The following NYAP2 variants were observed in gnomAD, a reference collection of about 807,000 sequenced individuals.
The protein encoded by NYAP2 is neuronal tyrosine-phosphorylated phosphoinositide-3-kinase adapter 2.
Under a neutral mutation model 50.4 loss-of-function variants are expected in NYAP2, and 23 were observed. The observed-to-expected ratio is 0.46, with a 90% confidence interval of 0.33 to 0.65. NYAP2 has a LOEUF of 0.65. NYAP2 is among the 30% of genes least tolerant of loss of function. The pLI, the probability that NYAP2 is intolerant of heterozygous loss-of-function variation, is 0.02. For synonymous variants in NYAP2, 394 were observed against 365.2 expected (o/e 1.08, Z -0.90); for missense variants, 885 against 861.0 (o/e 1.03, Z -0.35).
chr2:225,603,789 A>C (rs1371565100), intron 5 of NYAP2, among the ~76,000 whole-genome samples: 1 of 152,166 alleles, frequency 6.6e-6, no homozygotes, highest in East Asian at 1.9e-4. Context: ...TATCTGAAGA[A>C]TATTGTATTG....
At chr2:225,477,231 CTTT>C (rs11378712) in intron 3 of NYAP2, among the ~76,000 whole-genome samples, 2 of 87,472 alleles carry the variant, frequency 2.3e-5, no homozygotes, top group East Asian at 4.1e-4. Flanking sequence ...GTCTCTATTT[CTTT>C]TTTTTTTTTT....
chr2:225,626,053 G>T (rs1237346244), intron 5 of NYAP2, among the ~76,000 whole-genome samples: 1 of 152,184 alleles, frequency 6.6e-6, no homozygotes, highest in African/African-American at 2.4e-5. Context: ...CTTAAAGAAA[G>T]AGAGAGAAAA....
At chr2:225,542,445 C>T (rs980026627) in intron 4 of NYAP2, among the ~76,000 whole-genome samples, 1 of 152,060 alleles carries the variant, frequency 6.6e-6, no homozygotes, top group African/African-American at 2.4e-5. Flanking sequence ...TATGTTCCTT[C>T]TACACCCAGT....
At chr2:225,593,610 G>A (rs1325590613) in intron 5 of NYAP2, among the ~76,000 whole-genome samples, 5 of 152,098 alleles carry the variant, frequency 3.3e-5, no homozygotes, top group African/African-American at 1.2e-4. Flanking sequence ...CCAATGCATT[G>A]TGAAGATTAT....
At chr2:225,621,005 T>A (rs1693093093) in intron 5 of NYAP2, among the ~76,000 whole-genome samples, 1 of 151,294 alleles carries the variant, frequency 6.6e-6, no homozygotes, top group Non-Finnish European at 1.5e-5. Context: ...TCCCAGCTAC[T>A]CGGGAGGCTG....
At chr2:225,656,832 A>G (rs1693836423), downstream of NYAP2, among the ~76,000 whole-genome samples, 2 of 152,158 alleles carry the variant, frequency 1.3e-5, no homozygotes, top group South Asian at 4.1e-4. Context: ...CTCAGTCATC[A>G]TTTGTTGACT....
At chr2:225,467,372 G>A (rs1689937430) in intron 3 of NYAP2, among the ~76,000 whole-genome samples, 1 of 152,072 alleles carries the variant, frequency 6.6e-6, no homozygotes, top group Non-Finnish European at 1.5e-5. Flanking sequence ...TATTATTTTA[G>A]AGAGACAGTT....
At chr2:225,466,026 T>C (rs1473202314) in intron 3 of NYAP2, among the ~76,000 whole-genome samples, 1 of 152,166 alleles carries the variant, frequency 6.6e-6, no homozygotes, top group Admixed American at 6.5e-5. Context: ...CGCTTGCTAA[T>C]TTACATTGCA....
intron 6 of NYAP2, among the ~76,000 whole-genome samples, chr2:225,639,770 A>C (rs16866682): frequency 0.18 from 27,032 of 152,112 alleles, 2,811 homozygotes; most frequent in East Asian, 0.42. Flanking sequence ...GAAATGACAA[A>C]ATTTTAAAAC....
At chr2:225,514,782 C>T (rs1369999472) in intron 4 of NYAP2, among the ~76,000 whole-genome samples, 1 of 152,132 alleles carries the variant, frequency 6.6e-6, no homozygotes, top group African/African-American at 2.4e-5. Context: ...TTGAGAGAGG[C>T]GTTCCACCAG....
At chr2:225,571,979 TCCAGGGCAGGGGCAAAATG>T (rs1413168747) in intron 4 of NYAP2, among the ~76,000 whole-genome samples, 4 of 152,216 alleles carry the variant, frequency 2.6e-5, no homozygotes, top group Non-Finnish European at 4.4e-5. Context: ...TCCACAGATC[TCCAGGGCAGGGGCAAAATG>T]CCATCAGTCT....
At chr2:225,603,069 G>T (rs1044402611) in intron 5 of NYAP2, among the ~76,000 whole-genome samples, 1 of 152,126 alleles carries the variant, frequency 6.6e-6, no homozygotes, top group African/African-American at 2.4e-5. Context: ...AAAATATTAG[G>T]CTGAGGCGTC....
chr2:225,552,292 A>T (rs1198731043), intron 4 of NYAP2, among the ~76,000 whole-genome samples: 1 of 152,244 alleles, frequency 6.6e-6, no homozygotes, highest in Non-Finnish European at 1.5e-5. Context: ...ATAGAATTTC[A>T]TATAAAGAAT....
intron 5 of NYAP2, among the ~76,000 whole-genome samples, chr2:225,620,448 CGCACGCACACACGCGCAT>C (rs1222945708): frequency 1.0e-4 from 15 of 145,936 alleles, no homozygotes. Context: ...CGCACGCACA[CGCACGCACACACGCGCAT>C]GCACACGCAC....
intron 4 of NYAP2, among the ~76,000 whole-genome samples, chr2:225,528,596 C>G (rs948248417): frequency 7.2e-5 from 11 of 152,182 alleles, no homozygotes; most frequent in African/African-American, 2.7e-4. Context: ...AAACATCAGT[C>G]TGAATGATCC....
chr2:225,466,610 A>AT (rs1227773157), intron 3 of NYAP2, among the ~76,000 whole-genome samples: 3 of 152,146 alleles, frequency 2.0e-5, no homozygotes, highest in African/African-American at 7.2e-5. Context: ...AGCACTATAT[A>AT]TTTCTAATAA....
intron 3 of NYAP2, among the ~76,000 whole-genome samples, chr2:225,436,291 G>A (rs1483688016): frequency 6.6e-6 from 1 of 152,168 alleles, no homozygotes; most frequent in Non-Finnish European, 1.5e-5. Context: ...AACATTTATT[G>A]TCTCACAATT....
chr2:225,575,482 T>C (rs1692154985), intron 4 of NYAP2, among the ~76,000 whole-genome samples: 4 of 152,238 alleles, frequency 2.6e-5, no homozygotes, highest in Admixed American at 2.6e-4. Context: ...AAATGTCTGC[T>C]ATCTCATCTA....
At chr2:225,651,005 T>C (rs1194043191) in intron 6 of NYAP2, among the ~76,000 whole-genome samples, 1 of 152,206 alleles carries the variant, frequency 6.6e-6, no homozygotes, top group Admixed American at 6.5e-5. Context: ...GATGATAGTA[T>C]TCATGGAAGG....
Sources: allele counts gnomAD v4.1 joint callset (sites outside exome capture counted in the v4.1 genomes callset), GRCh38; gene constraint gnomAD v4.1.1; transcripts MANE v1.5; gene names NCBI Gene and HGNC (gene_info 2026-07-23, HGNC 2026-07-21).